The following CCDC3 variants were observed in gnomAD, a reference collection of about 807,000 sequenced individuals.
CCDC3 encodes coiled-coil domain-containing protein 3.
Under a neutral mutation model 21.4 loss-of-function variants are expected in CCDC3, and 24 were observed. The observed-to-expected ratio is 1.12, with a 90% CI of 0.81 to 1.58. The LOEUF is 1.58. CCDC3 is among the 40% of genes most tolerant of loss of function. The probability of loss-of-function intolerance (pLI) is 0.00; values close to 1 mark genes in which losing one functional copy is unlikely to be tolerated. For missense variants in CCDC3, 425 were observed against 360.9 expected (o/e 1.18, Z -1.44); for synonymous variants, 186 against 166.0 (o/e 1.12, Z -0.93).
At chr10:12,957,379 C>G (rs1473412378) in intron 2 of CCDC3, among the ~76,000 whole-genome samples, 2 of 152,180 alleles carry the variant, frequency 1.3e-5, no homozygotes, top group Non-Finnish European at 2.9e-5. Context: ...AACCGTAACT[C>G]GTGTCTGATT....
intron 2 of CCDC3, among the ~76,000 whole-genome samples, chr10:12,982,225 T>C (rs771389762): frequency 2.0e-5 from 3 of 146,482 alleles, no homozygotes; most frequent in Non-Finnish European, 3.0e-5. Context: ...GACATTAAGC[T>C]AAGTGAAATG....
chr10:12,989,529 C>T (rs1279174670), intron 2 of CCDC3, among the ~76,000 whole-genome samples: 1 of 152,202 alleles, frequency 6.6e-6, no homozygotes, highest in Non-Finnish European at 1.5e-5. Flanking sequence ...TCAAGCGACT[C>T]TCATGCCTCA....
At chr10:12,916,237 G>A (rs11258061) in intron 2 of CCDC3, among the ~76,000 whole-genome samples, 129 of 152,242 alleles carry the variant, frequency 8.5e-4, no homozygotes, top group East Asian at 4.5e-3. Context: ...ATTGAGACCA[G>A]CCTGGCCAAC....
chr10:12,943,269 T>C (rs1330847949), intron 2 of CCDC3, among the ~76,000 whole-genome samples: 3 of 151,904 alleles, frequency 2.0e-5, no homozygotes. Flanking sequence ...AATACAATTC[T>C]AAGCACCCCC....
chr10:13,093,819 AC>A (rs761449806), intron 3 of CCDC3, among the ~76,000 whole-genome samples: 2 of 152,216 alleles, frequency 1.3e-5, no homozygotes, highest in Non-Finnish European at 2.9e-5. Context: ...CTTTCCTACT[AC>A]TGATCAATTA....
chr10:13,047,037 G>A lies in CCDC3; in HGVS notation c.-2+2637C>T, dbSNP rs140242194. On this transcript the variant is annotated intron_variant, in intron 5 of 6. Transcript: ENST00000378839. Reference sequence around the variant, plus strand: ...CTGGGGCAATGCACCCTAGTAAGATGAGAGAGGGTGAGGGATGTTTTGCAT... The same window carrying A: ...CTGGGGCAATGCACCCTAGTAAGATAAGAGAGGGTGAGGGATGTTTTGCAT... 5.8e-4 allele frequency among the ~76,000 whole-genome samples: 89 copies of A among 152,240 alleles called. 1 individual carries two copies. In the East Asian group the frequency reaches 0.017, roughly 28 times the overall value.
intron 2 of CCDC3, among the ~76,000 whole-genome samples, chr10:12,923,129 C>T (rs956009107): frequency 7.2e-5 from 11 of 152,254 alleles, no homozygotes; most frequent in Admixed American, 1.3e-4. Context: ...ATTGGGATAA[C>T]CTTCCACAGA....
intron 3 of CCDC3, among the ~76,000 whole-genome samples, chr10:13,081,265 C>T (rs1322366289): frequency 6.6e-6 from 1 of 151,962 alleles, no homozygotes; most frequent in East Asian, 1.9e-4. Context: ...AAATTATATA[C>T]TTGGTTTATC....
chr10:13,008,927 T>C (rs1835954721), intron 5 of CCDC3, among the ~76,000 whole-genome samples: 2 of 152,166 alleles, frequency 1.3e-5, no homozygotes, highest in Non-Finnish European at 2.9e-5. Context: ...TACTGGAGGT[T>C]CTAGTGCAAT....
intron 2 of CCDC3, among the ~76,000 whole-genome samples, chr10:12,932,399 T>C (rs962073891): frequency 1.5e-4 from 23 of 150,996 alleles, no homozygotes; most frequent in African/African-American, 5.3e-4. Context: ...TTAAAAAGTA[T>C]AGACTATCTC....
chr10:13,015,772 A>G (rs1836049777), intron 5 of CCDC3, among the ~76,000 whole-genome samples: 1 of 152,008 alleles, frequency 6.6e-6, no homozygotes, highest in African/African-American at 2.4e-5. Context: ...GGGCCACTCC[A>G]TCTGTGCCTA....
At chr10:13,039,336 C>A (rs551130311) in intron 5 of CCDC3, among the ~76,000 whole-genome samples, 12 of 151,836 alleles carry the variant, frequency 7.9e-5, no homozygotes, top group Non-Finnish European at 1.6e-4. Flanking sequence ...GGCAGGAGAA[C>A]CACTTGAACC....
intron 2 of CCDC3, 33 bp from the exon 3 acceptor site, chr10:12,898,712 G>T (rs779339118): frequency 3.1e-6 from 5 of 1,608,998 alleles, no homozygotes; most frequent in East Asian, 2.2e-5. Context: ...AGGAGAGGAG[G>T]TGAGTCCCAG....
intron 4 of CCDC3, among the ~76,000 whole-genome samples, chr10:13,053,047 C>T (rs938612543): frequency 6.6e-6 from 1 of 151,890 alleles, no homozygotes; most frequent in African/African-American, 2.4e-5. Context: ...GATCTTCTTA[C>T]ACATCCAGTT....
In CCDC3 at chr10:12,988,449, C is replaced by T. The variant is rs138132876; in HGVS notation, c.549+9889G>A. Among the ~76,000 whole-genome samples the T allele has an allele frequency of 7.1e-3, 1,087 of 152,114 alleles. 11 individuals are homozygous for T. Among genetic ancestry groups the T allele is most frequent in the African/African-American group, 0.024 (1,012 of 41,492 alleles). ...GCAATCTCGGCCTCCAAGGTCTAAG[C>T]GATTCTGCCTCAGCCTCCTGAGTAG... On this transcript the variant is annotated intron_variant, in intron 2 of 2. Transcript: ENST00000378825.
At chr10:13,054,952 C>G (rs534894705) in intron 4 of CCDC3, among the ~76,000 whole-genome samples, 1 of 152,220 alleles carries the variant, frequency 6.6e-6, no homozygotes, top group African/African-American at 2.4e-5. Context: ...CAGGCGTGAG[C>G]CACTGCACCC....
At chr10:12,916,655 G>T (rs1007890563) in intron 2 of CCDC3, among the ~76,000 whole-genome samples, 1 of 152,094 alleles carries the variant, frequency 6.6e-6, no homozygotes, top group African/African-American at 2.4e-5. Flanking sequence ...GGGGCCAGGG[G>T]TGCCAACCTG....
chr10:13,048,318 A>G (rs1416065077), intron 5 of CCDC3, among the ~76,000 whole-genome samples: 1 of 151,930 alleles, frequency 6.6e-6, no homozygotes, highest in Non-Finnish European at 1.5e-5. Flanking sequence ...CAGCCTCCCT[A>G]GTAGCAGGGA....
At chr10:12,950,902 T>A (rs1421512397) in intron 2 of CCDC3, among the ~76,000 whole-genome samples, 1 of 152,132 alleles carries the variant, frequency 6.6e-6, no homozygotes, top group African/African-American at 2.4e-5. Flanking sequence ...ACTGGAGTAA[T>A]CATGACAGGT....
Sources: gnomAD v4.1 joint callset for allele counts (sites outside exome capture counted in the v4.1 genomes callset) on GRCh38, gnomAD v4.1.1 for gene constraint, MANE v1.5 for transcripts, NCBI Gene and HGNC (gene_info 2026-07-23, HGNC 2026-07-21) for gene names.